PSMC3IP: variants seen among roughly 807,000 people sequenced by gnomAD.
PSMC3IP encodes PSMC3 interacting protein.
PSMC3IP carries 26 observed loss-of-function variants against 34.9 expected under a neutral mutation model. The ratio of observed to expected loss-of-function variants is 0.74; its 90% CI spans 0.55 to 1.03. The LOEUF is 1.03. PSMC3IP is among the 50% of genes least tolerant of loss of function. PSMC3IP has a pLI of 0.00. For missense variants in PSMC3IP, 250 were observed against 263.1 expected, an observed-to-expected ratio of 0.95 and a Z score of 0.34; for synonymous variants, 87 against 96.5, an observed-to-expected ratio of 0.90 and a Z score of 0.57.
intron 3 of PSMC3IP, chr17:42,576,917 G>A: frequency 2.2e-6 from 1 of 449,856 alleles, no homozygotes; most frequent in Non-Finnish European, 4.0e-6. Flanking sequence ...GAGGCAGGAG[G>A]AACATCATTT....
intron 3 of PSMC3IP, among the ~76,000 whole-genome samples, chr17:42,574,674 T>C (rs1302621447): frequency 1.4e-5 from 2 of 140,200 alleles, no homozygotes; most frequent in African/African-American, 2.5e-5. Context: ...CACCTTCCTC[T>C]CTCCCTCCTT....
chr17:42,573,101 A>C lies in PSMC3IP; in HGVS notation c.597+6T>G. ...GGAAGCAAAGAAGGAAGAGAGCTCC[A>C]CTTACAAAGAACTGCTTCTTGCTCT... On this transcript the variant is annotated splice_donor_region_variant and intron_variant, in intron 7 of 7. Transcript: ENST00000393795. 6.2e-7 allele frequency: 1 copy of C among 1,614,250 alleles called. No individual in the cohort carries two copies. Among genetic ancestry groups the C allele is most frequent in the Non-Finnish European group, 8.5e-7 (1 of 1,180,028 alleles).
At chr17:42,574,318 C>T (rs2093058975) in intron 3 of PSMC3IP, 108 bp from the exon 4 acceptor site, 1 of 1,540,768 alleles carries the variant, frequency 6.5e-7, no homozygotes, top group Non-Finnish European at 8.8e-7. Flanking sequence ...AGCCACACCC[C>T]AAAGTCTCCA....
Position 42,574,139 on chromosome 17 carries a change from C to G in PSMC3IP, c.297G>C (p.Lys99Asn). The G allele has an allele frequency of 6.2e-7, 1 of 1,614,200 alleles. No individual in the cohort carries two copies. Among genetic ancestry groups the G allele is most frequent in the Non-Finnish European group, 8.5e-7 (1 of 1,180,038 alleles). Residue 99 changes from lysine to asparagine, a missense_variant, in exon 4 of 8, where the codon AAG (lysine) becomes AAC (asparagine). Lys to Asn is a moderately conservative substitution (Grantham distance 94). Coordinates refer to ENST00000393795, the MANE Select transcript of PSMC3IP (RefSeq NM_016556.4). The part of the protein sequence containing the change: ...LDGKIVALTA[K>N]VQSLQQSCRY... ...GGCAGCTCTGCTGCAAGCTCTGCACCTTAGCAGTGAGGGCCACGATTTTGC... is the reference window on the plus strand; with the variant it reads ...GGCAGCTCTGCTGCAAGCTCTGCACGTTAGCAGTGAGGGCCACGATTTTGC...
intron 4 of PSMC3IP, 191 bp downstream of exon 4, chr17:42,573,908 G>GT (rs1567913096): frequency 6.5e-7 from 1 of 1,531,770 alleles, no homozygotes; most frequent in Non-Finnish European, 8.7e-7. Flanking sequence ...GAACAAATGC[G>GT]TATCTTGTCC....
chr17:42,574,383 G>A, intron 3 of PSMC3IP, 173 bp from the exon 4 acceptor site: 1 of 1,429,326 alleles, frequency 7.0e-7, no homozygotes, highest in Non-Finnish European at 9.2e-7. Flanking sequence ...TTCAGTTAAG[G>A]AGCGGCCCCA....
In PSMC3IP at chr17:42,572,957, C is replaced by G; in HGVS notation, c.*11G>C. 1 of 1,613,936 alleles carries G rather than the reference C, an allele frequency of 6.2e-7. No homozygotes were observed. Among genetic ancestry groups the G allele is most frequent in the Non-Finnish European group, 8.5e-7 (1 of 1,179,872 alleles). On this transcript the variant is annotated 3_prime_UTR_variant, in exon 8 of 8. Coordinates refer to ENST00000393795, the MANE Select transcript of PSMC3IP (RefSeq NM_016556.4). ...ATCCTGCAGTCCCCACCAGTCCTGA[C>G]CGTGGGCCCCTCAGGGGTCTGGGAG...
chr17:42,573,707 C>T lies in PSMC3IP; in HGVS notation c.338-84G>A, dbSNP rs570355777. The T allele has an allele frequency of 2.8e-4, 437 of 1,565,632 alleles. 8 individuals carry two copies. The South Asian group carries it at 4.7e-3, about 17-fold the overall frequency. On this transcript the variant is annotated intron_variant, in intron 4 of 7. Transcript: ENST00000393795. ...CCAGTGGGTGCTCCCTGAGGTGTTC[C>T]ACCTTGCTCTGGATCTATCATCTCA... is the stretch of plus-strand genomic sequence containing the variant.
In PSMC3IP at chr17:42,573,160, C is replaced by G. The variant is rs762439745; in HGVS notation, c.544G>C (p.Glu182Gln). ...CCTTCAAGTATTGCATCAGACAGCT[C>G]TGTAGCCTGACAAGAAATAAAACCA... ...EWRKRKRMAT[E>Q]LSDAILEGYP... The change falls in exon 7 of 8, where the codon GAG becomes CAG. Residue 182 changes from glutamate (E) to glutamine (Q), a missense_variant. Transcript: ENST00000393795. 1 of 1,614,226 alleles carries G rather than the reference C, an allele frequency of 6.2e-7. No homozygotes were observed. Among genetic ancestry groups the G allele is most frequent in the Non-Finnish European group, 8.5e-7 (1 of 1,180,034 alleles).
In PSMC3IP at chr17:42,572,999, T is replaced by G; in HGVS notation, c.623A>C (p.Glu208Ala). 1 of 1,614,256 alleles carries G rather than the reference T, an allele frequency of 6.2e-7. No individual in the cohort carries two copies. Among genetic ancestry groups the G allele is most frequent in the Non-Finnish European group, 8.5e-7 (1 of 1,180,046 alleles). Reference sequence around the variant, plus strand: ...GTCTGGGAGTGTGACGTTGTAATCTTCATCCGTCTCTATCCCAACTTCCTC... The same window carrying G: ...GTCTGGGAGTGTGACGTTGTAATCTGCATCCGTCTCTATCCCAACTTCCTC... ...FFEEVGIETD[E>A]DYNVTLPDP Residue 208 changes from glutamate (E) to alanine (A), a missense_variant, in exon 8 of 8, where the codon GAA becomes GCA. Transcript: ENST00000393795.
At position 42,577,561 on chromosome 17, in the gene PSMC3IP, G is replaced by A; in HGVS notation, c.35C>T (p.Ala12Val). ...CAGGTACCTCAGGAGGATCCCGGCGGCTACGGAGAGAAAGGCAGGGGAGGG... is the reference window on the plus strand; with the variant it reads ...CAGGTACCTCAGGAGGATCCCGGCGACTACGGAGAGAAAGGCAGGGGAGGG... ...SKGRAEAAAGAAGILLRYLQE... is the reference protein window; with the variant it reads ...SKGRAEAAAGVAGILLRYLQE... The change falls in exon 2 of 8, where the codon GCC becomes GTC. Residue 12 changes from alanine to valine, a missense_variant and splice_region_variant. Coordinates refer to ENST00000393795, the MANE Select transcript of PSMC3IP (RefSeq NM_016556.4). 1 of 1,614,174 alleles carries A rather than the reference G, an allele frequency of 6.2e-7. No individual in the cohort carries two copies. The highest frequency in any genetic ancestry group is 2.2e-5 in the East Asian group (1 of 44,876).
At chr17:42,573,394 C>G (rs2093050080) in intron 5 of PSMC3IP, 30 bp from the exon 6 acceptor site, 1 of 1,614,094 alleles carries the variant, frequency 6.2e-7, no homozygotes, top group African/African-American at 1.3e-5. Context: ...TCCTCTAACT[C>G]CTCAGAACCA....
Position 42,573,501 on chromosome 17 carries a change from C to T in PSMC3IP, c.460G>A (p.Val154Met), listed in dbSNP as rs2093051348. Reference sequence around the variant, plus strand: ...ACCTGCTCTTTCTCTTCTGGAGTCACATGATTGGTAGCTGCTTTAATGTTC... The same window carrying T: ...ACCTGCTCTTTCTCTTCTGGAGTCATATGATTGGTAGCTGCTTTAATGTTC... ...LKNIKAATNH[V>M]TPEEKEQVYR... The change falls in exon 5 of 8, where the codon GTG (valine) becomes ATG (methionine). Residue 154 changes from valine to methionine, a missense_variant. Transcript: ENST00000393795. 1.2e-6 allele frequency: 2 copies of T among 1,614,268 alleles called. No homozygotes were observed. The highest frequency in any genetic ancestry group is 1.7e-6 in the Non-Finnish European group (2 of 1,180,056).
rs138687177 is a variant in PSMC3IP at position 42,573,140 on chromosome 17, A to G, written c.564T>C (p.Leu188=). 6.2e-7 allele frequency: 1 copy of G among 1,614,246 alleles called. No homozygotes were observed. Among genetic ancestry groups the G allele is most frequent in the Non-Finnish European group, 8.5e-7 (1 of 1,180,036 alleles). ...GCTTCTTGCTCTTGGGGTATCCTTC[A>G]AGTATTGCATCAGACAGCTCTGTAG... ...RMATELSDAI[L]EGYPKSKKQF... is the part of the protein sequence containing the mutation. Residue 188 remains leucine, a synonymous_variant, in exon 7 of 8, where the codon CTT becomes CTC. Coordinates refer to ENST00000393795, the MANE Select transcript of PSMC3IP (RefSeq NM_016556.4).
chr17:42,572,990 T>C lies in PSMC3IP; in HGVS notation c.632A>G (p.Asn211Ser), dbSNP rs779461375. 1 of 1,614,196 alleles carries C rather than the reference T, an allele frequency of 6.2e-7. No individual in the cohort carries two copies. The highest frequency in any genetic ancestry group is 1.1e-5 in the South Asian group (1 of 91,080). Reference sequence around the variant, plus strand: ...CCCTCAGGGGTCTGGGAGTGTGACGTTGTAATCTTCATCCGTCTCTATCCC... The same window carrying C: ...CCCTCAGGGGTCTGGGAGTGTGACGCTGTAATCTTCATCCGTCTCTATCCC... The part of the protein sequence containing the change: ...EVGIETDEDY[N>S]VTLPDP The change falls in exon 8 of 8, where the codon AAC becomes AGC. Residue 211 changes from asparagine to serine, a missense_variant. Coordinates refer to ENST00000393795, the MANE Select transcript of PSMC3IP (RefSeq NM_016556.4).
At chr17:42,574,793 A>T (rs1265692351) in intron 3 of PSMC3IP, among the ~76,000 whole-genome samples, 2 of 130,656 alleles carry the variant, frequency 1.5e-5, no homozygotes, top group African/African-American at 2.8e-5. Flanking sequence ...TTTCTCTGTC[A>T]CCCAGGCCAG....
Position 42,572,901 on chromosome 17 carries a change from T to C in PSMC3IP, c.*67A>G, listed in dbSNP as rs1403432379. On this transcript the variant is annotated 3_prime_UTR_variant, in exon 8 of 8. Transcript: ENST00000393795. ...CAACAAAAGCCAACCAAAAACAAGG[T>C]AGCCAGTGCAAGACATCTCACTCTT... is the stretch of plus-strand genomic sequence containing the variant. The C allele has an allele frequency of 6.4e-7, 1 of 1,568,670 alleles. No homozygotes were observed. The highest frequency in any genetic ancestry group is 8.8e-7 in the Non-Finnish European group (1 of 1,140,576).
intron 3 of PSMC3IP, among the ~76,000 whole-genome samples, chr17:42,576,245 A>G (rs2093074881): frequency 6.6e-6 from 1 of 152,226 alleles, no homozygotes; most frequent in Non-Finnish European, 1.5e-5. Context: ...TAGAAAAATA[A>G]TGAGGATTGG....
chr17:42,574,809 A>G (rs182217913), intron 3 of PSMC3IP, among the ~76,000 whole-genome samples: 1 of 143,522 alleles, frequency 7.0e-6, no homozygotes, highest in African/African-American at 2.5e-5. Context: ...GCCAGAGTGC[A>G]GTGGTGCAAT....
Sources: gnomAD v4.1 joint callset for allele counts (sites outside exome capture counted in the v4.1 genomes callset) on GRCh38, gnomAD v4.1.1 for gene constraint, MANE v1.5 for transcripts, NCBI Gene and HGNC (gene_info 2026-07-23, HGNC 2026-07-21) for gene names.